Variants in TMEM178B observed in about 807,000 individuals in gnomAD.
TMEM178B encodes the protein transmembrane protein 178B.
Under a neutral mutation model 31.0 loss-of-function variants are expected in TMEM178B, and 5 were observed. The ratio of observed to expected loss-of-function variants is 0.16; its 90% confidence interval spans 0.08 to 0.34. The LOEUF (loss-of-function observed/expected upper bound fraction) is 0.34, where lower values mean the gene tolerates loss of function less well. Ranked by LOEUF, TMEM178B falls within the 10% of genes least tolerant of loss-of-function variation. The probability of loss-of-function intolerance (pLI) is 1.00; values close to 1 mark genes in which losing one functional copy is unlikely to be tolerated. For synonymous variants in TMEM178B, 164 were observed against 164.0 expected (o/e 1.00, Z 0.00); for missense variants, 275 against 400.3 (o/e 0.69, Z 2.67).
At chr7:141,225,203 G>T (rs1030214354) in intron 2 of TMEM178B, among the ~76,000 whole-genome samples, 5 of 152,064 alleles carry the variant, frequency 3.3e-5, no homozygotes, top group Admixed American at 3.3e-4. Context: ...TACCGCCAGG[G>T]AGCCCCACAC....
intron 1 of TMEM178B, among the ~76,000 whole-genome samples, chr7:141,146,059 C>T (rs2129179863): frequency 6.6e-6 from 1 of 152,324 alleles, no homozygotes; most frequent in East Asian, 1.9e-4. Flanking sequence ...CTTTTATATC[C>T]TCTATCCATT....
chr7:141,503,481 G>A, the TMEM178B span, among the ~76,000 whole-genome samples: 1 of 152,186 alleles, frequency 6.6e-6, no homozygotes, highest in Non-Finnish European at 1.5e-5. Flanking sequence ...AGGAAGCATG[G>A]CCACTGTTAA....
At chr7:141,233,130 T>G (rs1394494770) in intron 2 of TMEM178B, among the ~76,000 whole-genome samples, 2 of 152,250 alleles carry the variant, frequency 1.3e-5, no homozygotes, top group East Asian at 3.8e-4. Flanking sequence ...CAAGGCAGAT[T>G]GGGAGTCTCT....
chr7:141,311,890 T>A (rs1435080217), intron 2 of TMEM178B, among the ~76,000 whole-genome samples: 2 of 152,072 alleles, frequency 1.3e-5, no homozygotes, highest in Non-Finnish European at 2.9e-5. Context: ...GAACTGGGAT[T>A]TAGGATGTAG....
At chr7:141,453,998 C>T (rs1801915005) in intron 3 of TMEM178B, among the ~76,000 whole-genome samples, 1 of 151,628 alleles carries the variant, frequency 6.6e-6, no homozygotes, top group African/African-American at 2.4e-5. Context: ...CAATTTGGGC[C>T]CTGGGTAACA....
intron 3 of TMEM178B, among the ~76,000 whole-genome samples, chr7:141,464,378 T>C (rs976311427): frequency 3.9e-5 from 6 of 152,182 alleles, no homozygotes; most frequent in Non-Finnish European, 7.4e-5. Flanking sequence ...CTTACAGTCC[T>C]CTACTCCAGC....
chr7:141,204,059 G>C (rs1796923047), intron 1 of TMEM178B, among the ~76,000 whole-genome samples: 1 of 152,220 alleles, frequency 6.6e-6, no homozygotes, highest in African/African-American at 2.4e-5. Flanking sequence ...AATTGTACCA[G>C]TTCGTTTTTC....
intron 1 of TMEM178B, among the ~76,000 whole-genome samples, chr7:141,157,425 G>A (rs899293352): frequency 4.7e-5 from 7 of 149,538 alleles, no homozygotes; most frequent in African/African-American, 1.0e-4. Context: ...TCCTGCGCGC[G>A]TGCACACACA....
the TMEM178B span, among the ~76,000 whole-genome samples, chr7:141,493,970 G>C: frequency 6.6e-6 from 1 of 152,226 alleles, no homozygotes; most frequent in African/African-American, 2.4e-5. Flanking sequence ...TGTGATATTA[G>C]AGCCACCAAT....
intron 2 of TMEM178B, among the ~76,000 whole-genome samples, chr7:141,280,936 C>T (rs1021853742): frequency 1.3e-5 from 2 of 152,176 alleles, no homozygotes; most frequent in African/African-American, 2.4e-5. Context: ...ATTTTGAAAA[C>T]GAATGGTTTA....
chr7:141,507,509 A>G, the TMEM178B span, among the ~76,000 whole-genome samples: 3 of 152,178 alleles, frequency 2.0e-5, no homozygotes, highest in African/African-American at 7.2e-5. Context: ...AGTAACTGGG[A>G]TTACAGGTGT....
chr7:141,370,390 A>G (rs1024014534), intron 2 of TMEM178B, among the ~76,000 whole-genome samples: 7 of 152,216 alleles, frequency 4.6e-5, no homozygotes, highest in Admixed American at 2.0e-4. Context: ...ACCACCCTGG[A>G]ACATTGCTGA....
chr7:141,327,712 C>T (rs1034199659), intron 2 of TMEM178B, among the ~76,000 whole-genome samples: 1 of 152,134 alleles, frequency 6.6e-6, no homozygotes, highest in African/African-American at 2.4e-5. Context: ...CATAAAGGCT[C>T]TGTTCTTTTG....
At chr7:141,397,668 G>A (rs1460767476) in intron 2 of TMEM178B, among the ~76,000 whole-genome samples, 1 of 152,162 alleles carries the variant, frequency 6.6e-6, no homozygotes, top group African/African-American at 2.4e-5. Context: ...TGTGATATGA[G>A]CAAATCCTTT....
At chr7:141,315,597 T>G (rs1798988247) in intron 2 of TMEM178B, among the ~76,000 whole-genome samples, 1 of 152,236 alleles carries the variant, frequency 6.6e-6, no homozygotes, top group African/African-American at 2.4e-5. Flanking sequence ...TAGGTTACAT[T>G]TAATCCCATA....
intron 1 of TMEM178B, among the ~76,000 whole-genome samples, chr7:141,084,342 G>A (rs1228162680): frequency 6.6e-6 from 1 of 152,180 alleles, no homozygotes; most frequent in African/African-American, 2.4e-5. Context: ...GAATGGTGAA[G>A]AACATTTCAC....
intron 1 of TMEM178B, among the ~76,000 whole-genome samples, chr7:141,086,908 G>A (rs944572932): frequency 2.6e-5 from 4 of 151,888 alleles, no homozygotes; most frequent in African/African-American, 7.3e-5. Flanking sequence ...GGCTCTTATC[G>A]AACTCCTGAC....
chr7:141,130,658 A>G (rs1401239874), intron 1 of TMEM178B, among the ~76,000 whole-genome samples: 1 of 152,160 alleles, frequency 6.6e-6, no homozygotes, highest in Non-Finnish European at 1.5e-5. Context: ...AATTGCACAT[A>G]TATTCTCAAA....
At chr7:141,291,189 T>G (rs569293267) in intron 2 of TMEM178B, among the ~76,000 whole-genome samples, 52 of 152,266 alleles carry the variant, frequency 3.4e-4, no homozygotes, top group African/African-American at 1.2e-3. Context: ...AAAGTGTTAT[T>G]TATCCCCTGC....
Sources: gnomAD v4.1 joint callset for allele counts (sites outside exome capture counted in the v4.1 genomes callset) on GRCh38, gnomAD v4.1.1 for gene constraint, MANE v1.5 for transcripts, NCBI Gene and HGNC (gene_info 2026-07-23, HGNC 2026-07-21) for gene names.